HMGA2: variants seen among roughly 807,000 people sequenced by gnomAD.
The protein encoded by HMGA2 is high mobility group AT-hook 2, also known as high mobility group protein HMGI-C.
Under a neutral mutation model 19.1 loss-of-function variants are expected in HMGA2, and 8 were observed. The observed-to-expected ratio is 0.42, with a 90% CI of 0.25 to 0.76. The LOEUF is 0.76. HMGA2 is among the 30% of genes least tolerant of loss of function. The probability of loss-of-function intolerance (pLI) is 0.28; values close to 1 mark genes in which losing one functional copy is unlikely to be tolerated. For missense variants in HMGA2, 109 were observed against 136.3 expected (o/e 0.80, Z 1.00); for synonymous variants, 60 against 48.8 (o/e 1.23, Z -0.96).
intron 3 of HMGA2, among the ~76,000 whole-genome samples, chr12:65,940,265 G>C (rs1307520535): frequency 6.6e-6 from 1 of 152,120 alleles, no homozygotes; most frequent in Non-Finnish European, 1.5e-5. Flanking sequence ...CTATAAATAA[G>C]AATAGCAGGA....
intron 3 of HMGA2, among the ~76,000 whole-genome samples, chr12:65,924,089 G>A (rs1875420252): frequency 6.6e-6 from 1 of 152,106 alleles, no homozygotes. Flanking sequence ...CCCACCTTGG[G>A]AAGGATACTA....
intron 3 of HMGA2, among the ~76,000 whole-genome samples, chr12:65,909,648 C>T (rs1874757320): frequency 6.6e-6 from 1 of 152,140 alleles, no homozygotes; most frequent in South Asian, 2.1e-4. Context: ...GAACTTTGAC[C>T]TAATTTAACC....
chr12:65,847,034 T>G (rs1363829535), intron 3 of HMGA2, among the ~76,000 whole-genome samples: 1 of 152,208 alleles, frequency 6.6e-6, no homozygotes, highest in Non-Finnish European at 1.5e-5. Context: ...TGAATTTACC[T>G]ATATTAACAC....
At chr12:65,895,916 A>G (rs1026695115) in intron 3 of HMGA2, among the ~76,000 whole-genome samples, 1 of 152,184 alleles carries the variant, frequency 6.6e-6, no homozygotes. Context: ...TTATTCTGTC[A>G]GTAAAGTTGA....
At chr12:65,945,086 G>A (rs374071117) in intron 3 of HMGA2, among the ~76,000 whole-genome samples, 18 of 150,886 alleles carry the variant, frequency 1.2e-4, no homozygotes, top group African/African-American at 4.4e-4. Flanking sequence ...GTTTTTCGTT[G>A]AGGGGCCTCA....
intron 3 of HMGA2, chr12:65,860,009 T>C: frequency 2.2e-6 from 1 of 450,416 alleles, no homozygotes; most frequent in South Asian, 1.6e-5. Flanking sequence ...GGGAAAATGC[T>C]TGAGCCTGGC....
At chr12:65,854,063 A>G (rs1358629573) in intron 3 of HMGA2, among the ~76,000 whole-genome samples, 1 of 152,206 alleles carries the variant, frequency 6.6e-6, no homozygotes, top group African/African-American at 2.4e-5. Context: ...GGGACATTTC[A>G]AAGTGTTTGT....
chr12:65,848,427 G>A (rs566583244), intron 3 of HMGA2, among the ~76,000 whole-genome samples: 1 of 152,300 alleles, frequency 6.6e-6, no homozygotes, highest in Admixed American at 6.5e-5. Context: ...GCATTTGAAA[G>A]CACTTAAAGT....
intron 3 of HMGA2, among the ~76,000 whole-genome samples, chr12:65,885,605 G>A (rs1873622411): frequency 6.6e-6 from 1 of 152,114 alleles, no homozygotes. Context: ...GCAGTCCCTG[G>A]GAACAAATAA....
At chr12:65,891,317 G>A (rs1873901488) in intron 3 of HMGA2, among the ~76,000 whole-genome samples, 1 of 152,178 alleles carries the variant, frequency 6.6e-6, no homozygotes, top group Admixed American at 6.5e-5. Context: ...GTTAACCACA[G>A]CAATAAATGA....
At chr12:65,842,751 C>T (rs1190981134) in intron 3 of HMGA2, 13 of 1,386,882 alleles carry the variant, frequency 9.4e-6, no homozygotes, top group Non-Finnish European at 1.1e-5. Context: ...TTCCATTAGC[C>T]AGTCCTGCCA....
chr12:65,949,768 C>T (rs961902208), intron 3 of HMGA2, among the ~76,000 whole-genome samples: 4 of 152,142 alleles, frequency 2.6e-5, no homozygotes, highest in African/African-American at 7.2e-5. Context: ...CATGATACCA[C>T]GAAGAAACTG....
At chr12:65,934,820 T>C (rs1458807364) in intron 3 of HMGA2, 1 of 152,092 alleles carries the variant, frequency 6.6e-6, no homozygotes, top group Non-Finnish European at 1.5e-5. Flanking sequence ...GAGTGGTGAG[T>C]ATCCATAAAG....
At chr12:65,943,695 G>A (rs577370329) in intron 3 of HMGA2, among the ~76,000 whole-genome samples, 28 of 152,192 alleles carry the variant, frequency 1.8e-4, no homozygotes, top group African/African-American at 3.6e-4. Context: ...TAGATTTATC[G>A]CTTCTTAGGA....
At chr12:65,889,828 G>T (rs146872966) in intron 3 of HMGA2, among the ~76,000 whole-genome samples, 1 of 152,212 alleles carries the variant, frequency 6.6e-6, no homozygotes, top group Non-Finnish European at 1.5e-5. Flanking sequence ...AATAGCTGAT[G>T]AATGAAAGAG....
At position 65,928,155 on chromosome 12, in the gene HMGA2, G is replaced by A. The variant is rs536668063; in HGVS notation, c.250-23228G>A. ...CTACTGCACATCTAGGCTAAATGGTGCATCCCATTGCTCCTAAGCTACAAA... is the reference window on the plus strand; with the variant it reads ...CTACTGCACATCTAGGCTAAATGGTACATCCCATTGCTCCTAAGCTACAAA... On this transcript the variant is annotated intron_variant, in intron 3 of 4. Coordinates refer to ENST00000403681, the MANE Select transcript of HMGA2 (RefSeq NM_003483.6). 6.6e-4 allele frequency among the ~76,000 whole-genome samples: 100 copies of A among 151,946 alleles called. 2 individuals carry two copies. In the South Asian group the frequency reaches 0.018, roughly 28 times the overall value.
At chr12:65,834,926 TTAA>T (rs1870648365) in intron 2 of HMGA2, among the ~76,000 whole-genome samples, 1 of 152,182 alleles carries the variant, frequency 6.6e-6, no homozygotes, top group South Asian at 2.1e-4. Context: ...CATAAAAATA[TTAA>T]TGAGGGCAAA....
At chr12:65,919,501 T>TTCA (rs1412006117) in intron 3 of HMGA2, among the ~76,000 whole-genome samples, 1 of 152,246 alleles carries the variant, frequency 6.6e-6, no homozygotes. Context: ...CCAGGGCAGA[T>TTCA]TTTTGCCAAT....
rs533181129 is a variant in HMGA2 at position 65,868,377 on chromosome 12, C to T, written c.249+29808C>T. On this transcript the variant is annotated intron_variant, in intron 3 of 4. Coordinates refer to ENST00000403681, the MANE Select transcript of HMGA2 (RefSeq NM_003483.6). ...GAGTTCAGAACATGTCAAAGAGCTT[C>T]TTTAAGCAGTAGGTGGTTTTACAGA... is the stretch of plus-strand genomic sequence containing the variant. Among the ~76,000 whole-genome samples, 3 of 152,046 alleles carry T rather than the reference C, an allele frequency of 2.0e-5. No homozygotes were observed. The South Asian group carries it at 6.2e-4, about 32-fold the overall frequency.
Sources: gnomAD v4.1 joint callset for allele counts (sites outside exome capture counted in the v4.1 genomes callset) on GRCh38, gnomAD v4.1.1 for gene constraint, MANE v1.5 for transcripts, NCBI Gene and HGNC (gene_info 2026-07-23, HGNC 2026-07-21) for gene names.